TBC1D1: variants seen among roughly 807,000 people sequenced by gnomAD.
TBC1D1 encodes the protein TBC1 domain family member 1, also known as TBC1 (tre-2/USP6, BUB2, cdc16) domain family, member 1.
Under a neutral mutation model 125.6 loss-of-function variants are expected in TBC1D1, and 89 were observed. The ratio of observed to expected loss-of-function variants is 0.71; its 90% CI spans 0.60 to 0.85. The LOEUF is 0.85. Ranked by LOEUF, TBC1D1 falls within the 40% of genes least tolerant of loss-of-function variation. The probability of loss-of-function intolerance (pLI) is 0.00; values close to 1 mark genes in which losing one functional copy is unlikely to be tolerated. For missense variants in TBC1D1, 1,377 were observed against 1,469.2 expected (o/e 0.94, Z 1.03); for synonymous variants, 565 against 564.1 (o/e 1.00, Z -0.02).
At chr4:38,052,395 G>A (rs1234700251) in intron 11 of TBC1D1, among the ~76,000 whole-genome samples, 1 of 150,654 alleles carries the variant, frequency 6.6e-6, no homozygotes, top group Non-Finnish European at 1.5e-5. Flanking sequence ...GCAGTGGCGT[G>A]ATCTCGGCTC....
chr4:37,985,768 A>G (rs78321228), intron 2 of TBC1D1, among the ~76,000 whole-genome samples: 7,674 of 152,290 alleles, frequency 0.05, 283 homozygotes, highest in Middle Eastern at 0.092. Context: ...CAGCCCTTGA[A>G]TAGCTTGCAG....
intron 2 of TBC1D1, among the ~76,000 whole-genome samples, chr4:37,942,156 C>G (rs1725700034): frequency 6.6e-6 from 1 of 152,152 alleles, no homozygotes; most frequent in African/African-American, 2.4e-5. Context: ...TGTGTGGGGT[C>G]TAAGTCTCTT....
At chr4:37,921,223 G>C (rs569689087) in intron 2 of TBC1D1, among the ~76,000 whole-genome samples, 1 of 151,574 alleles carries the variant, frequency 6.6e-6, no homozygotes, top group Non-Finnish European at 1.5e-5. Context: ...CTGGCAGTGC[G>C]GGTGGTCACT....
At chr4:37,967,695 T>C (rs1731319110) in intron 2 of TBC1D1, among the ~76,000 whole-genome samples, 1 of 152,170 alleles carries the variant, frequency 6.6e-6, no homozygotes, top group African/African-American at 2.4e-5. Context: ...AGTCTTATTT[T>C]TGAAGGAGAA....
chr4:37,941,605 A>G (rs2152305509), intron 2 of TBC1D1, among the ~76,000 whole-genome samples: 1 of 152,052 alleles, frequency 6.6e-6, no homozygotes, highest in Non-Finnish European at 1.5e-5. Flanking sequence ...AGTTCTTTTA[A>G]TTGTGATGTT....
At chr4:37,929,977 C>G (rs899155193) in intron 2 of TBC1D1, among the ~76,000 whole-genome samples, 2 of 152,076 alleles carry the variant, frequency 1.3e-5, no homozygotes, top group African/African-American at 4.8e-5. Flanking sequence ...CTACTGTCCA[C>G]AAAAGGTAAA....
intron 12 of TBC1D1, among the ~76,000 whole-genome samples, chr4:38,057,265 C>T (rs1401698886): frequency 2.0e-5 from 3 of 152,218 alleles, no homozygotes; most frequent in African/African-American, 7.2e-5. Context: ...ATGCCCCACC[C>T]GAGCCCTGGC....
intron 2 of TBC1D1, among the ~76,000 whole-genome samples, chr4:37,922,032 C>T (rs1721114777): frequency 6.6e-6 from 1 of 152,178 alleles, no homozygotes; most frequent in South Asian, 2.1e-4. Context: ...CCACCACACC[C>T]AGCCTCTTTT....
At chr4:38,003,180 A>G (rs937182703) in intron 2 of TBC1D1, among the ~76,000 whole-genome samples, 3 of 152,216 alleles carry the variant, frequency 2.0e-5, no homozygotes, top group African/African-American at 4.8e-5. Flanking sequence ...AATAAAATAC[A>G]ATTAGATCTA....
At chr4:37,988,212 A>C (rs1182756085) in intron 2 of TBC1D1, among the ~76,000 whole-genome samples, 1 of 152,226 alleles carries the variant, frequency 6.6e-6, no homozygotes, top group Non-Finnish European at 1.5e-5. Context: ...GGCAAGTTAC[A>C]CTTGCCTGGG....
chr4:38,056,626 TAGTG>T (rs1316328265), intron 12 of TBC1D1, among the ~76,000 whole-genome samples: 4 of 152,104 alleles, frequency 2.6e-5, no homozygotes, highest in Admixed American at 2.6e-4. Context: ...CTTGGCAACA[TAGTG>T]AGACCCTGTC....
chr4:38,035,094 T>C (rs1002291646), intron 7 of TBC1D1, among the ~76,000 whole-genome samples: 29 of 152,018 alleles, frequency 1.9e-4, no homozygotes, highest in Admixed American at 5.2e-4. Context: ...AAGAAAGAAA[T>C]GTACATGCCA....
intron 1 of TBC1D1, among the ~76,000 whole-genome samples, chr4:37,893,313 A>G (rs1032547070): frequency 7.2e-5 from 11 of 152,132 alleles, no homozygotes; most frequent in African/African-American, 2.7e-4. Context: ...CTCTTTTCAG[A>G]TTCCCAGAGG....
At chr4:38,052,744 A>G (rs1271913507) in intron 11 of TBC1D1, among the ~76,000 whole-genome samples, 39 of 148,968 alleles carry the variant, frequency 2.6e-4, no homozygotes, top group African/African-American at 8.9e-4. Context: ...ACACACACAC[A>G]CACACACACA....
rs763129779 is a variant in TBC1D1 at position 38,089,956 on chromosome 4, C to T, written c.2075C>T (p.Pro692Leu). 6.3e-7 allele frequency: 1 copy of T among 1,594,140 alleles called. No individual in the cohort carries two copies. Among genetic ancestry groups the T allele is most frequent in the Admixed American group, 1.9e-5 (1 of 54,038 alleles). Residue 692 changes from proline to leucine, a missense_variant, in exon 13 of 20, where the codon CCC becomes CTC. By Grantham distance (98) the Pro-to-Leu change is moderately conservative. This residue lies in a region of TBC1D1 where 543 missense variants were observed against 613.5 expected (regional missense o/e 0.89). Coordinates refer to ENST00000261439, the MANE Select transcript of TBC1D1 (RefSeq NM_015173.4). ...GATTATTCAGAGCTGGGAGAGCTTC[C>T]CCCACGATCTCCTTTAGAACCAGTT... is the stretch of plus-strand genomic sequence containing the variant.
At chr4:37,941,547 A>T (rs1725578281) in intron 2 of TBC1D1, among the ~76,000 whole-genome samples, 1 of 151,894 alleles carries the variant, frequency 6.6e-6, no homozygotes. Context: ...GATCTTAGTT[A>T]TTTCTTGCCT....
chr4:38,001,177 G>A (rs990445204), intron 2 of TBC1D1, among the ~76,000 whole-genome samples: 7 of 151,956 alleles, frequency 4.6e-5, no homozygotes, highest in African/African-American at 1.2e-4. Context: ...CCAAGATTGC[G>A]CCACTGGACT....
rs1017324831 is a variant in TBC1D1 at position 37,955,315 on chromosome 4, A to G, written c.417+52803A>G. Among the ~76,000 whole-genome samples, 5 of 152,120 alleles carry G rather than the reference A, an allele frequency of 3.3e-5. 1 individual carries two copies. The highest frequency in any genetic ancestry group is 3.3e-4 in the Admixed American group (5 of 15,276). On this transcript the variant is annotated intron_variant, in intron 2 of 19. Coordinates refer to ENST00000261439, the MANE Select transcript of TBC1D1 (RefSeq NM_015173.4). ...ATGAACTGCACATACATACCTCTCT[A>G]TGTGTATACAGTTGTCCCTCAGTGT...
intron 12 of TBC1D1, among the ~76,000 whole-genome samples, chr4:38,070,807 G>GA (rs1196520080): frequency 6.6e-6 from 1 of 152,146 alleles, no homozygotes; most frequent in African/African-American, 2.4e-5. Flanking sequence ...TTTTTTGGTA[G>GA]AAAAAACTAA....
Sources: allele counts gnomAD v4.1 joint callset (sites outside exome capture counted in the v4.1 genomes callset), GRCh38; gene constraint gnomAD v4.1.1; regional missense constraint gnomAD v4.1.1; transcripts MANE v1.5; gene names NCBI Gene and HGNC (gene_info 2026-07-23, HGNC 2026-07-21).